Variants in HECW2 observed in about 807,000 individuals in gnomAD.
HECW2 encodes the protein E3 ubiquitin-protein ligase HECW2.
A neutral mutation model predicts 175.2 loss-of-function variants in HECW2; 61 were observed. That is an observed-to-expected ratio of 0.35 (90% CI 0.28 to 0.43). HECW2 has a LOEUF of 0.43. HECW2 is among the 20% of genes least tolerant of loss of function. The pLI is 1.00. For missense variants in HECW2, 1,524 were observed against 2,000.5 expected, an observed-to-expected ratio of 0.76 and a Z score of 4.54; for synonymous variants, 671 against 731.0, an observed-to-expected ratio of 0.92 and a Z score of 1.32.
chr2:196,324,538 AC>A (rs1164922716), intron 6 of HECW2, among the ~76,000 whole-genome samples: 15 of 152,350 alleles, frequency 9.8e-5, no homozygotes, highest in African/African-American at 3.6e-4. Context: ...TTTAATTTGT[AC>A]TAAATGTATG....
chr2:196,523,417 G>T (rs1175509189), intron 1 of HECW2, among the ~76,000 whole-genome samples: 2 of 152,006 alleles, frequency 1.3e-5, no homozygotes, highest in Non-Finnish European at 2.9e-5. Context: ...CATGCCGTCT[G>T]CAAACAGGGA....
intron 13 of HECW2, among the ~76,000 whole-genome samples, chr2:196,300,307 T>A (rs867047735): frequency 2.2e-4 from 34 of 152,226 alleles, no homozygotes; most frequent in African/African-American, 7.5e-4. Flanking sequence ...TCTCTGGCCC[T>A]TTATAGGAAA....
chr2:196,394,671 T>C (rs936747239), intron 2 of HECW2, among the ~76,000 whole-genome samples: 1 of 152,210 alleles, frequency 6.6e-6, no homozygotes, highest in African/African-American at 2.4e-5. Flanking sequence ...TAAAGTTCAA[T>C]ATATCACAAT....
chr2:196,421,044 G>C (rs576506302), intron 2 of HECW2, among the ~76,000 whole-genome samples: 4 of 152,148 alleles, frequency 2.6e-5, no homozygotes, highest in Non-Finnish European at 4.4e-5. Context: ...AAATTGAAAG[G>C]ATAAACTTTT....
At chr2:196,394,583 C>T (rs1332415237) in intron 2 of HECW2, among the ~76,000 whole-genome samples, 1 of 58,642 alleles carries the variant, frequency 1.7e-5, no homozygotes, top group East Asian at 7.8e-4. Context: ...TGAACGATCT[C>T]TCCAATCCTG....
intron 2 of HECW2, among the ~76,000 whole-genome samples, chr2:196,417,730 T>A (rs1008717624): frequency 6.6e-5 from 10 of 152,236 alleles, no homozygotes; most frequent in Non-Finnish European, 1.5e-4. Context: ...TTCACCTTGT[T>A]TATCTCCTTG....
rs747484191 is a variant in HECW2, at chr2:196,319,434, C to G, written c.1456G>C (p.Gly486Arg). Residue 486 changes from glycine to arginine, a missense_variant, in exon 9 of 29, where the codon GGA becomes CGA. Physicochemically the swap from Gly to Arg is moderately radical, Grantham distance 125. Transcript: ENST00000644978. ...LGYPSSLEEEGGLIMFSRASR... is the reference protein window; with the variant it reads ...LGYPSSLEEERGLIMFSRASR... Reference sequence around the variant, plus strand: ...GCCCTGCTAAACATGATCAGGCCTCCCTCCTCCTCCAAGGAAGATGGGTAA... The same window carrying G: ...GCCCTGCTAAACATGATCAGGCCTCGCTCCTCCTCCAAGGAAGATGGGTAA... 1.5e-5 allele frequency: 25 copies of G among 1,613,674 alleles called. No homozygotes were observed. The highest frequency in any genetic ancestry group is 2.1e-5 in the Non-Finnish European group (25 of 1,179,852).
chr2:196,206,712 A>C (rs1687081097), intron 28 of HECW2, among the ~76,000 whole-genome samples: 1 of 152,164 alleles, frequency 6.6e-6, no homozygotes, highest in African/African-American at 2.4e-5. Flanking sequence ...GACCCTCTAA[A>C]GTTTGTGTAT....
chr2:196,220,900 T>G lies in HECW2; in HGVS notation c.4188A>C (p.Pro1396=). 1 of 1,614,130 alleles carries G rather than the reference T, an allele frequency of 6.2e-7. No homozygotes were observed. The highest frequency in any genetic ancestry group is 8.5e-7 in the Non-Finnish European group (1 of 1,179,976). The change falls in exon 25 of 29, where the codon CCA becomes CCC. Residue 1396 remains proline (P), a synonymous_variant. Coordinates refer to ENST00000644978, the MANE Select transcript of HECW2 (RefSeq NM_001348768.2). ...RELKPGGANI[P]VTEKNKKEYI... ...ACTCCTTCTTGTTCTTCTCTGTAAC[T>G]GGGATATTGGCACCCCCTGGCTTTA...
chr2:196,562,237 A>AC (rs1224658783), intron 1 of HECW2, among the ~76,000 whole-genome samples: 1 of 152,108 alleles, frequency 6.6e-6, no homozygotes, highest in African/African-American at 2.4e-5. Flanking sequence ...CCAGCTTTAA[A>AC]CCCTCCCACC....
At chr2:196,494,943 T>C (rs1332142013) in intron 1 of HECW2, among the ~76,000 whole-genome samples, 1 of 152,238 alleles carries the variant, frequency 6.6e-6, no homozygotes, top group Non-Finnish European at 1.5e-5. Context: ...ACCTACTCTG[T>C]TCCTCTGCAA....
intron 19 of HECW2, among the ~76,000 whole-genome samples, chr2:196,251,529 C>T (rs189026987): frequency 5.7e-4 from 87 of 152,286 alleles, no homozygotes; most frequent in Non-Finnish European, 9.8e-4. Context: ...TAAAACTTGT[C>T]CAACACCAAA....
At chr2:196,289,017 G>A (rs1260472090) in intron 14 of HECW2, 1 of 152,272 alleles carries the variant, frequency 6.6e-6, no homozygotes, top group Non-Finnish European at 1.5e-5. Context: ...GCTGCTGTGA[G>A]CACTAAATGA....
chr2:196,527,249 G>A (rs890963396), intron 1 of HECW2, among the ~76,000 whole-genome samples: 3 of 152,198 alleles, frequency 2.0e-5, no homozygotes, highest in Non-Finnish European at 4.4e-5. Context: ...TTCCAGGTGC[G>A]TCCGTCACCC....
chr2:196,226,240 T>A (rs560239878), intron 22 of HECW2, among the ~76,000 whole-genome samples: 12 of 151,354 alleles, frequency 7.9e-5, no homozygotes, highest in East Asian at 3.9e-4. Flanking sequence ...ACACACACAC[T>A]CTCTCTCTCT....
At chr2:196,225,221 T>C (rs1177553042) in intron 23 of HECW2, among the ~76,000 whole-genome samples, 1 of 152,248 alleles carries the variant, frequency 6.6e-6, no homozygotes, top group Non-Finnish European at 1.5e-5. Context: ...TGCTGAATTT[T>C]CATTTTCCAT....
intron 1 of HECW2, among the ~76,000 whole-genome samples, chr2:196,521,116 G>A (rs946674194): frequency 1.3e-5 from 2 of 151,748 alleles, no homozygotes; most frequent in Non-Finnish European, 2.9e-5. Context: ...CATTTTACAT[G>A]GGAAGAATCA....
chr2:196,512,143 G>A (rs1458349266), intron 1 of HECW2, among the ~76,000 whole-genome samples: 1 of 152,224 alleles, frequency 6.6e-6, no homozygotes, highest in African/African-American at 2.4e-5. Flanking sequence ...GAACAGGCAG[G>A]ATGTAACTTT....
chr2:196,257,734 AT>A, intron 18 of HECW2, 88 bp downstream of exon 18: 1 of 922,456 alleles, frequency 1.1e-6, no homozygotes, highest in East Asian at 2.4e-5. Context: ...TTTTTAGGCT[AT>A]GAATATTGGC....
Sources: gnomAD v4.1 joint callset for allele counts (sites outside exome capture counted in the v4.1 genomes callset) on GRCh38, gnomAD v4.1.1 for gene constraint, MANE v1.5 for transcripts, NCBI Gene and HGNC (gene_info 2026-07-23, HGNC 2026-07-21) for gene names.